ZNF280D: variants seen among roughly 807,000 people sequenced by gnomAD.
ZNF280D encodes suppressor of hairy wing homolog 4.
Under a neutral mutation model 94.7 loss-of-function variants are expected in ZNF280D, and 39 were observed. The observed-to-expected ratio is 0.41, with a 90% CI of 0.32 to 0.54. ZNF280D has a LOEUF of 0.54. Among genes scored for constraint, ZNF280D ranks in the 20% least tolerant of loss-of-function variants. The probability of loss-of-function intolerance (pLI) is 0.22; values close to 1 mark genes in which losing one functional copy is unlikely to be tolerated. For missense variants in ZNF280D, 1,090 were observed against 1,149.3 expected, an observed-to-expected ratio of 0.95 and a Z score of 0.75; for synonymous variants, 398 against 377.6, an observed-to-expected ratio of 1.05 and a Z score of -0.63.
chr15:56,639,248 G>A (rs910700636), intron 20 of ZNF280D, among the ~76,000 whole-genome samples: 3 of 147,090 alleles, frequency 2.0e-5, no homozygotes, highest in African/African-American at 7.5e-5. Flanking sequence ...AAAACAAAAA[G>A]ATGAAAGGCC....
At chr15:56,673,571 C>A (rs1336157435) in intron 13 of ZNF280D, among the ~76,000 whole-genome samples, 1 of 152,068 alleles carries the variant, frequency 6.6e-6, no homozygotes, top group Non-Finnish European at 1.5e-5. Context: ...CTTTCCATAG[C>A]TGCCAGTAAT....
At chr15:56,726,032 A>G (rs1418720674) in intron 1 of ZNF280D, among the ~76,000 whole-genome samples, 1 of 151,626 alleles carries the variant, frequency 6.6e-6, no homozygotes, top group Non-Finnish European at 1.5e-5. Context: ...CGTTGGCCTG[A>G]TGTGCCAGGG....
chr15:56,694,713 A>T (rs1207921579), intron 6 of ZNF280D, among the ~76,000 whole-genome samples: 7 of 152,336 alleles, frequency 4.6e-5, no homozygotes, highest in Non-Finnish European at 8.8e-5. Context: ...AGACAAAGAA[A>T]GAATGAATAA....
intron 1 of ZNF280D, among the ~76,000 whole-genome samples, chr15:56,723,738 G>A (rs1324214789): frequency 1.3e-5 from 2 of 151,606 alleles, no homozygotes; most frequent in Non-Finnish European, 2.9e-5. Context: ...ACTTGACCAC[G>A]CCCATAGAAC....
At chr15:56,711,381 G>A (rs521904) in intron 1 of ZNF280D, among the ~76,000 whole-genome samples, 1 of 151,902 alleles carries the variant, frequency 6.6e-6, no homozygotes, top group South Asian at 2.1e-4. Flanking sequence ...TAAAGAACTC[G>A]AGGCCAGGCA....
At chr15:56,731,455 C>T (rs2141537814) in intron 1 of ZNF280D, among the ~76,000 whole-genome samples, 1 of 128,642 alleles carries the variant, frequency 7.8e-6, no homozygotes, top group South Asian at 2.4e-4. Context: ...TGCAGCGAGC[C>T]AAGACTGCTC....
chr15:56,689,524 A>C, intron 7 of ZNF280D, 54 bp from the exon 8 acceptor site: 1 of 1,082,406 alleles, frequency 9.2e-7, no homozygotes, highest in Middle Eastern at 3.1e-4. Flanking sequence ...AATATTATTT[A>C]CATCTGAGTA....
intron 6 of ZNF280D, chr15:56,699,362 C>T (rs984113075): frequency 1.1e-6 from 1 of 940,868 alleles, no homozygotes; most frequent in Non-Finnish European, 1.3e-6. Flanking sequence ...TCACTAAATT[C>T]TTTAATAACT....
chr15:56,635,139 CAA>C (rs1429881186), intron 21 of ZNF280D, 54 bp downstream of exon 21: 1 of 1,090,318 alleles, frequency 9.2e-7, no homozygotes, highest in African/African-American at 1.6e-5. Context: ...TAATGCAGCT[CAA>C]GTGTTATTTT....
chr15:56,716,665 T>G (rs1455118625), intron 1 of ZNF280D, among the ~76,000 whole-genome samples: 1 of 152,136 alleles, frequency 6.6e-6, no homozygotes, highest in Non-Finnish European at 1.5e-5. Context: ...GGGACTGATG[T>G]CAGATTTGTG....
At chr15:56,670,955 T>A (rs1481619966) in intron 13 of ZNF280D, among the ~76,000 whole-genome samples, 3 of 152,130 alleles carry the variant, frequency 2.0e-5, no homozygotes, top group Non-Finnish European at 2.9e-5. Flanking sequence ...TTTTTTCATA[T>A]CATTGTTGGC....
intron 6 of ZNF280D, 39 bp from the exon 7 acceptor site, chr15:56,693,254 AAC>A (rs768373760): frequency 1.7e-5 from 13 of 766,688 alleles, no homozygotes; most frequent in Middle Eastern, 2.5e-4. Context: ...ACATTTATTC[AAC>A]AGTTATAATT....
chr15:56,635,229 C>A lies in ZNF280D; in HGVS notation c.2281G>T (p.Ala761Ser), dbSNP rs868852954. 6.4e-7 allele frequency: 1 copy of A among 1,552,926 alleles called. No homozygotes were observed. The highest frequency in any genetic ancestry group is 8.7e-7 in the Non-Finnish European group (1 of 1,152,278). Residue 761 changes from alanine to serine, a missense_variant, in exon 21 of 22, where the codon GCT becomes TCT. Physicochemically the swap from Ala to Ser is moderately conservative, Grantham distance 99. This residue lies in a region of ZNF280D where 577 missense variants were observed against 568.8 expected (regional missense o/e 1.01). Coordinates refer to ENST00000267807, the MANE Select transcript of ZNF280D (RefSeq NM_017661.4). ...TTTGATGTTTCTGTTTCTCTTTCAG[C>A]CATGTTAGGTCTTGCAATTTCCTGA... ...VSKEIARPNM[A>S]ERETETSNSE...
At chr15:56,693,735 T>C (rs1186312323) in intron 6 of ZNF280D, among the ~76,000 whole-genome samples, 4 of 152,136 alleles carry the variant, frequency 2.6e-5, no homozygotes, top group Admixed American at 1.3e-4. Context: ...ACATCTGAGA[T>C]ATCAGGGCAA....
At position 56,653,928 on chromosome 15, in the gene ZNF280D, T is replaced by A. The variant is rs1160495803; in HGVS notation, c.2213+270A>T. ...CATTTGAAAGCTGAAAAGAGCTGAA[T>A]AATGAGAGCTAGTGTCATGAACTTG... On this transcript the variant is annotated intron_variant, in intron 19 of 21. Coordinates refer to ENST00000267807, the MANE Select transcript of ZNF280D (RefSeq NM_017661.4). 3.1e-6 allele frequency: 4 copies of A among 1,308,454 alleles called. No homozygotes were observed. In the East Asian group the frequency reaches 1.2e-4, roughly 41 times the overall value. The allele number at this position is 1,308,454 out of a possible 1,614,324, so 81.1% of individuals were successfully genotyped here. A position where few individuals can be genotyped will look rare whatever the true frequency, so the allele number is the denominator to read the frequency against.
chr15:56,711,257 G>C (rs1451376021), intron 1 of ZNF280D, among the ~76,000 whole-genome samples: 1 of 152,118 alleles, frequency 6.6e-6, no homozygotes, highest in African/African-American at 2.4e-5. Context: ...TTATGTCATT[G>C]GATTATAGTG....
chr15:56,703,735 T>A (rs1256026760), intron 4 of ZNF280D, among the ~76,000 whole-genome samples: 2 of 151,816 alleles, frequency 1.3e-5, no homozygotes, highest in African/African-American at 4.8e-5. Flanking sequence ...ATGCCTGTAG[T>A]GCCAGCTACT....
intron 4 of ZNF280D, among the ~76,000 whole-genome samples, chr15:56,703,636 T>A (rs1301216741): frequency 3.9e-5 from 6 of 152,108 alleles, no homozygotes; most frequent in Non-Finnish European, 8.8e-5. Context: ...GGTGGATCAT[T>A]TGAGCTCAGG....
At chr15:56,651,103 G>C (rs1267607756) in intron 19 of ZNF280D, among the ~76,000 whole-genome samples, 2 of 152,144 alleles carry the variant, frequency 1.3e-5, no homozygotes. Flanking sequence ...TAGAAACTAG[G>C]ACAATGCCAG....
Sources: allele counts gnomAD v4.1 joint callset (sites outside exome capture counted in the v4.1 genomes callset), GRCh38; gene constraint gnomAD v4.1.1; regional missense constraint gnomAD v4.1.1; transcripts MANE v1.5; gene names NCBI Gene and HGNC (gene_info 2026-07-23, HGNC 2026-07-21).